Variants in WDHD1 observed in about 807,000 individuals in gnomAD.
WDHD1 encodes the protein WD repeat and HMG-box DNA binding protein 1.
A neutral mutation model predicts 135.4 loss-of-function variants in WDHD1; 111 were observed. The observed-to-expected ratio is 0.82, with a 90% CI of 0.70 to 0.96. WDHD1 has a LOEUF of 0.96. WDHD1 is among the 40% of genes least tolerant of loss of function. The pLI is 0.00. For synonymous variants in WDHD1, 434 were observed against 439.0 expected (o/e 0.99, Z 0.14); for missense variants, 1,351 against 1,336.3 (o/e 1.01, Z -0.17).
intron 24 of WDHD1, among the ~76,000 whole-genome samples, chr14:54,953,955 C>T (rs11629355): frequency 0.18 from 26,787 of 151,886 alleles, 2,450 homozygotes; most frequent in Admixed American, 0.22. Context: ...GGGAACATCA[C>T]ACACTTGGGC....
rs748521172 is a variant in WDHD1, at chr14:54,941,461, C to A, written c.*29G>T. On this transcript the variant is annotated 3_prime_UTR_variant, in exon 26 of 26. Coordinates refer to ENST00000360586, the MANE Select transcript of WDHD1 (RefSeq NM_007086.4). ...ATTCAAAGATGAGTAAAAAAAAATC[C>A]ATTACTTCCCTAGGGTCACTTTCTT... 3 of 1,567,314 alleles carry A rather than the reference C, an allele frequency of 1.9e-6. No homozygotes were observed. The Admixed American group carries it at 5.9e-5, about 31-fold the overall frequency.
rs985382348 is a variant in WDHD1 at position 54,940,876 on chromosome 14, A to C, written c.*614T>G. The C allele has an allele frequency of 2.6e-5, 4 of 152,236 alleles. No homozygotes were observed. Among genetic ancestry groups the C allele is most frequent in the African/African-American group, 9.6e-5 (4 of 41,462 alleles). 9.4% of individuals were successfully genotyped at this position (152,236 alleles called of 1,614,324 possible). ...TTCGTGGAAAGATAATATTAAGACC[A>C]TATCAAGCCAAATATACAAATGAGA... On this transcript the variant is annotated 3_prime_UTR_variant, in exon 26 of 26. Coordinates refer to ENST00000360586, the MANE Select transcript of WDHD1 (RefSeq NM_007086.4).
intron 25 of WDHD1, among the ~76,000 whole-genome samples, chr14:54,944,037 T>A (rs1288574844): frequency 1.3e-5 from 2 of 152,072 alleles, no homozygotes; most frequent in Non-Finnish European, 2.9e-5. Flanking sequence ...CTTTCCTCTT[T>A]AAAAAGTTTG....
At chr14:55,004,984 C>T in intron 7 of WDHD1, 2 of 542,306 alleles carry the variant, frequency 3.7e-6, no homozygotes, top group Non-Finnish European at 7.3e-6. Context: ...GGTTGAGGAG[C>T]ACCGAACTCA....
chr14:55,016,857 G>A (rs2042269409), intron 2 of WDHD1, among the ~76,000 whole-genome samples: 1 of 152,156 alleles, frequency 6.6e-6, no homozygotes, highest in Admixed American at 6.5e-5. Context: ...AAAGTGAAGT[G>A]ACTGTTAATG....
At chr14:54,995,561 T>C (rs1305482056) in intron 11 of WDHD1, 42 bp downstream of exon 11, 1 of 1,446,674 alleles carries the variant, frequency 6.9e-7, no homozygotes, top group Non-Finnish European at 9.3e-7. Context: ...ATCTAAAATA[T>C]TAATCAACAG....
At chr14:54,944,215 C>T in intron 25 of WDHD1, 117 bp downstream of exon 25, 1 of 1,350,964 alleles carries the variant, frequency 7.4e-7, no homozygotes, top group Non-Finnish European at 1.0e-6. Flanking sequence ...GCCTCGACCT[C>T]CCAATGTGCT....
chr14:54,963,151 C>G lies in WDHD1; in HGVS notation c.2332G>C (p.Glu778Gln), dbSNP rs144673163. ...MLALSCKLER[E>Q]FRCVELADLM... ...TCAGCAAGTTCCACACAACGGAATT[C>G]TCGCTCCAGTTTACAAGAAAGCTAA... The change falls in exon 19 of 26, where the codon GAA becomes CAA. Residue 778 changes from glutamate (E) to glutamine (Q), a missense_variant. By Grantham distance (29) the Glu-to-Gln change is conservative. Coordinates refer to ENST00000360586, the MANE Select transcript of WDHD1 (RefSeq NM_007086.4). 5.1e-5 allele frequency: 71 copies of G among 1,383,430 alleles called. 1 individual carries two copies. In the African/African-American group the frequency reaches 1.1e-3, roughly 21 times the overall value. 85.7% of individuals were successfully genotyped at this position (1,383,430 alleles called of 1,614,324 possible).
At position 54,987,482 on chromosome 14, in the gene WDHD1, AAT is replaced by A. The variant is rs2041713166; in HGVS notation, c.1527-97_1527-96del. The A allele has an allele frequency of 3.5e-6, 4 of 1,144,876 alleles. No individual in the cohort carries two copies. The East Asian group carries it at 1.1e-4, about 30-fold the overall frequency. 70.9% of individuals were successfully genotyped at this position (1,144,876 alleles called of 1,614,324 possible). ...ATCATGATATTCAACAAAAAAACCA[AAT>A]AGTTTACTTCCTATTATACACTAGT... On this transcript the variant is annotated intron_variant, in intron 13 of 25. Transcript: ENST00000360586.
Position 54,941,321 on chromosome 14 carries a change from T to C in WDHD1, c.*169A>G. On this transcript the variant is annotated 3_prime_UTR_variant, in exon 26 of 26. Transcript: ENST00000360586. ...ATCTGCAAAGATGATAGTTTTTACA[T>C]ATGTCCTGTTACCTACACCAATATA... is the stretch of plus-strand genomic sequence containing the variant. 3.9e-6 allele frequency: 2 copies of C among 509,054 alleles called. No individual in the cohort carries two copies. The highest frequency in any genetic ancestry group is 6.5e-6 in the Non-Finnish European group (2 of 307,814). 31.5% of individuals were successfully genotyped at this position (509,054 alleles called of 1,614,324 possible). A position where few individuals can be genotyped will look rare whatever the true frequency, so the allele number is the denominator to read the frequency against.
chr14:55,005,437 C>T (rs775968467), intron 7 of WDHD1: 9 of 569,258 alleles, frequency 1.6e-5, no homozygotes, highest in Admixed American at 7.6e-5. Flanking sequence ...GCATGGCCTT[C>T]GGACCAGTAT....
At chr14:54,984,662 T>C (rs1189212061) in intron 15 of WDHD1, 61 bp downstream of exon 15, 11 of 1,326,930 alleles carry the variant, frequency 8.3e-6, no homozygotes, top group Non-Finnish European at 1.1e-5. Flanking sequence ...AATAATTTTC[T>C]TCTTGAAGAA....
intron 21 of WDHD1, 115 bp downstream of exon 21, chr14:54,962,383 A>AACAC (rs557447781): frequency 1.3e-6 from 1 of 789,894 alleles, no homozygotes; most frequent in Non-Finnish European, 2.2e-6. Context: ...CAAAAACATA[A>AACAC]ACACACACAC....
intron 4 of WDHD1, 65 bp downstream of exon 4, chr14:55,010,244 T>C (rs894837300): frequency 2.8e-6 from 4 of 1,412,996 alleles, no homozygotes; most frequent in Non-Finnish European, 3.7e-6. Context: ...AACACTACCC[T>C]GAAACAAATA....
At chr14:54,955,528 G>T in intron 24 of WDHD1, 33 bp downstream of exon 24, 2 of 1,471,272 alleles carry the variant, frequency 1.4e-6, no homozygotes, top group Non-Finnish European at 1.8e-6. Context: ...TTTTTACTTG[G>T]TCACTGCATG....
At chr14:54,950,965 G>A (rs372197427) in intron 24 of WDHD1, among the ~76,000 whole-genome samples, 9 of 152,140 alleles carry the variant, frequency 5.9e-5, no homozygotes, top group East Asian at 1.9e-4. Flanking sequence ...CAAAGACACA[G>A]CATACCAGAA....
Position 54,991,300 on chromosome 14 carries a change from C to A in WDHD1, c.1254G>T (p.Arg418Ser). 6.2e-7 allele frequency: 1 copy of A among 1,613,806 alleles called. No homozygotes were observed. Among genetic ancestry groups the A allele is most frequent in the Non-Finnish European group, 8.5e-7 (1 of 1,179,816 alleles). ...IHNLPLVTSQRPFYDGPMPTP... is the reference protein window; with the variant it reads ...IHNLPLVTSQSPFYDGPMPTP... ...TTGGCATGGGTCCATCATAAAATGG[C>A]CTTTGGGATGTTACAAGTGGTAGAT... Residue 418 changes from arginine (R) to serine (S), a missense_variant, in exon 12 of 26, where the codon AGG becomes AGT. Transcript: ENST00000360586.
intron 18 of WDHD1, among the ~76,000 whole-genome samples, chr14:54,963,818 A>T (rs2041296871): frequency 6.6e-6 from 1 of 151,836 alleles, no homozygotes; most frequent in South Asian, 2.1e-4. Context: ...AAAAAAAAAA[A>T]AAAATCAAGG....
chr14:54,991,981 C>T (rs920377830), intron 11 of WDHD1, among the ~76,000 whole-genome samples: 5 of 152,274 alleles, frequency 3.3e-5, no homozygotes, highest in Admixed American at 1.3e-4. Flanking sequence ...AGGCCAGGCA[C>T]GGTGGCTCAC....
Sources: allele counts gnomAD v4.1 joint callset (sites outside exome capture counted in the v4.1 genomes callset), GRCh38; gene constraint gnomAD v4.1.1; transcripts MANE v1.5; gene names NCBI Gene and HGNC (gene_info 2026-07-23, HGNC 2026-07-21).